The following CPEB1 variants were observed in gnomAD, a reference collection of about 807,000 sequenced individuals.
The protein encoded by CPEB1 is cytoplasmic polyadenylation element binding protein 1.
Under a neutral mutation model 65.8 loss-of-function variants are expected in CPEB1, and 7 were observed. The observed-to-expected ratio is 0.11, with a 90% CI of 0.06 to 0.20. The LOEUF is 0.20. CPEB1 is among the 10% of genes least tolerant of loss of function. The probability of loss-of-function intolerance (pLI) is 1.00; values close to 1 mark genes in which losing one functional copy is unlikely to be tolerated. For missense variants in CPEB1, 551 were observed against 712.2 expected (o/e 0.77, Z 2.58); for synonymous variants, 262 against 260.0 (o/e 1.01, Z -0.08).
chr15:82,636,210 T>A (rs988394785), intron 1 of CPEB1, among the ~76,000 whole-genome samples: 3 of 152,188 alleles, frequency 2.0e-5, no homozygotes, highest in African/African-American at 7.2e-5. Flanking sequence ...AAATATATGA[T>A]CTTTATTTAA....
chr15:82,598,771 C>A (rs866187984), intron 3 of CPEB1, among the ~76,000 whole-genome samples: 1 of 151,842 alleles, frequency 6.6e-6, no homozygotes, highest in Non-Finnish European at 1.5e-5. Context: ...GGTGACAGAG[C>A]GAGACTCCAT....
upstream of CPEB1, chr15:82,648,096 C>T (rs974418776): frequency 1.1e-5 from 4 of 372,894 alleles, no homozygotes; most frequent in Non-Finnish European, 1.4e-5. Context: ...GCGCCCCGCC[C>T]CTCCTAGCAG....
intron 1 of CPEB1, chr15:82,630,081 A>G (rs1486943882): frequency 1.0e-6 from 1 of 985,292 alleles, no homozygotes; most frequent in African/African-American, 1.7e-5. Context: ...CAGGAAGGCA[A>G]CTTCATGAAG....
At chr15:82,611,543 G>C (rs1416319468) in intron 3 of CPEB1, among the ~76,000 whole-genome samples, 4 of 151,800 alleles carry the variant, frequency 2.6e-5, no homozygotes. Flanking sequence ...GACCCTTTGA[G>C]ACCAGGAGTT....
rs2047234188 is a variant in CPEB1 at position 82,643,110 on chromosome 15, C to A, written c.-98+4027G>T. On this transcript the variant is annotated intron_variant, in intron 1 of 12. Transcript: ENST00000684509. ...GTCACCTCACCCTTCCCCTCCCCAG[C>A]ACACTCCACACCCCCAAATCCACAA... Among the ~76,000 whole-genome samples, 5 of 152,278 alleles carry A rather than the reference C, an allele frequency of 3.3e-5. No homozygotes were observed. The South Asian group carries it at 8.3e-4, about 25-fold the overall frequency.
chr15:82,624,471 G>C (rs181835058), intron 3 of CPEB1, among the ~76,000 whole-genome samples: 1 of 152,094 alleles, frequency 6.6e-6, no homozygotes, highest in South Asian at 2.1e-4. Context: ...TTAGAACCCA[G>C]GTTTCCCAAT....
chr15:82,631,458 G>A (rs1381649670), intron 1 of CPEB1, among the ~76,000 whole-genome samples: 1 of 151,898 alleles, frequency 6.6e-6, no homozygotes, highest in Non-Finnish European at 1.5e-5. Flanking sequence ...GTCAGATGGC[G>A]AACAGATCTA....
chr15:82,585,904 A>G (rs2041757042), intron 3 of CPEB1, among the ~76,000 whole-genome samples: 1 of 152,146 alleles, frequency 6.6e-6, no homozygotes. Flanking sequence ...TAAAAAATAC[A>G]CTACTTAATA....
intron 3 of CPEB1, among the ~76,000 whole-genome samples, chr15:82,607,162 A>ATATCT (rs143880675): frequency 0.51 from 77,138 of 151,418 alleles, 20,054 homozygotes; most frequent in African/African-American, 0.63. Context: ...TGGCAGGTGT[A>ATATCT]TATCTTATCA....
At chr15:82,590,535 G>C (rs905856826) in intron 3 of CPEB1, among the ~76,000 whole-genome samples, 1 of 152,018 alleles carries the variant, frequency 6.6e-6, no homozygotes, top group Non-Finnish European at 1.5e-5. Context: ...TAAGTTCAGC[G>C]ATGTGCAGGT....
intron 3 of CPEB1, among the ~76,000 whole-genome samples, chr15:82,614,446 T>C (rs2044493310): frequency 6.6e-6 from 1 of 152,114 alleles, no homozygotes; most frequent in Admixed American, 6.5e-5. Context: ...AGTCCAAGAA[T>C]TAAACAAAAC....
chr15:82,631,981 TC>T (rs1347953253), intron 1 of CPEB1, among the ~76,000 whole-genome samples: 13 of 96,138 alleles, frequency 1.4e-4, no homozygotes, highest in African/African-American at 5.2e-4. Flanking sequence ...TATTTTTTTC[TC>T]TTTTTTTTTT....
chr15:82,627,455 A>C, intron 2 of CPEB1, 88 bp from the exon 3 acceptor site: 2 of 986,322 alleles, frequency 2.0e-6, no homozygotes, highest in Admixed American at 5.6e-5. Flanking sequence ...ATAAAGTAGG[A>C]AGGACTTAAG....
chr15:82,640,050 G>A, intron 1 of CPEB1, among the ~76,000 whole-genome samples: 1 of 152,134 alleles, frequency 6.6e-6, no homozygotes, highest in Non-Finnish European at 1.5e-5. Context: ...TCCTTTAGCT[G>A]TAAGCTTAGC....
chr15:82,631,458 G>T (rs1381649670), intron 1 of CPEB1, among the ~76,000 whole-genome samples: 2 of 151,898 alleles, frequency 1.3e-5, no homozygotes, highest in Admixed American at 1.3e-4. Flanking sequence ...GTCAGATGGC[G>T]AACAGATCTA....
intron 3 of CPEB1, among the ~76,000 whole-genome samples, chr15:82,579,118 C>T (rs2040966977): frequency 1.3e-5 from 2 of 152,152 alleles, no homozygotes; most frequent in African/African-American, 4.8e-5. Context: ...CCACCATGCC[C>T]AGCCTTAAAA....
chr15:82,599,820 T>A (rs1367261249), intron 3 of CPEB1, among the ~76,000 whole-genome samples: 1 of 151,774 alleles, frequency 6.6e-6, no homozygotes, highest in Non-Finnish European at 1.5e-5. Context: ...ATTTAAAACC[T>A]CAAAGATGGA....
intron 2 of CPEB1, 41 bp from the exon 3 acceptor site, chr15:82,627,408 C>A: frequency 6.9e-7 from 1 of 1,449,980 alleles, no homozygotes; most frequent in Admixed American, 2.1e-5. Context: ...TTTCTACACT[C>A]CTTTATGACC....
intron 11 of CPEB1, 60 bp from the exon 12 acceptor site, chr15:82,546,581 G>C: frequency 4.1e-6 from 5 of 1,234,236 alleles, no homozygotes; most frequent in Non-Finnish European, 6.0e-6. Flanking sequence ...CTCGATAGGC[G>C]ATAGAAGAAG....
Sources: gnomAD v4.1 joint callset for allele counts (sites outside exome capture counted in the v4.1 genomes callset) on GRCh38, gnomAD v4.1.1 for gene constraint, MANE v1.5 for transcripts, NCBI Gene and HGNC (gene_info 2026-07-23, HGNC 2026-07-21) for gene names.